Variants in KDM4C observed in about 807,000 individuals in gnomAD.
KDM4C encodes the protein lysine-specific demethylase 4C.
A neutral mutation model predicts 129.3 loss-of-function variants in KDM4C; 81 were observed. The ratio of observed to expected loss-of-function variants is 0.63; its 90% CI spans 0.52 to 0.75. KDM4C has a LOEUF of 0.75. KDM4C is among the 30% of genes least tolerant of loss of function. KDM4C has a pLI of 0.00. For missense variants in KDM4C, 1,457 were observed against 1,304.0 expected (o/e 1.12, Z -1.81); for synonymous variants, 573 against 456.1 (o/e 1.26, Z -3.26).
rs1822353205 is a variant in KDM4C at position 6,925,635 on chromosome 9, C to T, written c.921+32403C>T. On this transcript the variant is annotated intron_variant, in intron 8 of 21. Coordinates refer to ENST00000381309, the MANE Select transcript of KDM4C (RefSeq NM_015061.6). Reference sequence around the variant, plus strand: ...ACCGTCTTGGCTTGTTTACCATCAGCCCTTCACCGTTTCAGAAAGATGCTG... The same window carrying T: ...ACCGTCTTGGCTTGTTTACCATCAGTCCTTCACCGTTTCAGAAAGATGCTG... The T allele has an allele frequency of 5.1e-6, 5 of 985,216 alleles. No individual in the cohort carries two copies. The South Asian group carries it at 1.9e-4, about 37-fold the overall frequency. 61.0% of individuals were successfully genotyped at this position (985,216 alleles called of 1,614,324 possible). A position where few individuals can be genotyped will look rare whatever the true frequency, so the allele number is the denominator to read the frequency against.
At chr9:7,058,951 T>C (rs1350584168) in intron 17 of KDM4C, among the ~76,000 whole-genome samples, 3 of 152,230 alleles carry the variant, frequency 2.0e-5, no homozygotes, top group African/African-American at 7.2e-5. Flanking sequence ...ACAAGATTTG[T>C]TGCCTGTGAA....
At chr9:7,070,527 G>A (rs1345943117) in intron 17 of KDM4C, among the ~76,000 whole-genome samples, 1 of 151,764 alleles carries the variant, frequency 6.6e-6, no homozygotes, top group East Asian at 1.9e-4. Context: ...AACTTAATTG[G>A]GTTTATCCTG....
At chr9:7,152,055 A>AT in intron 19 of KDM4C, among the ~76,000 whole-genome samples, 1 of 152,382 alleles carries the variant, frequency 6.6e-6, no homozygotes, top group Non-Finnish European at 1.5e-5. Flanking sequence ...CAGCTGAATC[A>AT]GAAATTTCTC....
intron 11 of KDM4C, among the ~76,000 whole-genome samples, chr9:6,989,119 A>G (rs915330924): frequency 6.6e-6 from 1 of 152,082 alleles, no homozygotes; most frequent in African/African-American, 2.4e-5. Flanking sequence ...ATAATTTCCC[A>G]TATTGTTTTT....
chr9:6,930,405 A>G (rs1823454829), intron 8 of KDM4C, among the ~76,000 whole-genome samples: 1 of 151,956 alleles, frequency 6.6e-6, no homozygotes, highest in Non-Finnish European at 1.5e-5. Flanking sequence ...TATGTGGAAA[A>G]TAAAGCACGC....
intron 1 of KDM4C, among the ~76,000 whole-genome samples, chr9:6,763,767 C>T (rs1327034717): frequency 6.6e-6 from 1 of 152,006 alleles, no homozygotes; most frequent in Non-Finnish European, 1.5e-5. Context: ...TGCACTTTTT[C>T]TTTTTTTGAG....
intron 1 of KDM4C, among the ~76,000 whole-genome samples, chr9:6,763,411 C>T (rs776994036): frequency 6.6e-6 from 1 of 152,170 alleles, no homozygotes; most frequent in Non-Finnish European, 1.5e-5. Context: ...TTCTCTCAAT[C>T]CTGCACACTG....
rs143579257 is a variant in KDM4C at position 7,145,197 on chromosome 9, C to T, written c.2781+16961C>T. On this transcript the variant is annotated intron_variant, in intron 19 of 21. Coordinates refer to ENST00000381309, the MANE Select transcript of KDM4C (RefSeq NM_015061.6). ...TTAAAGGTGCGTGGCCAGAGGGTGG[C>T]GGGGGAGAAAGCTAACTACGTGTCT... Among the ~76,000 whole-genome samples the T allele has an allele frequency of 5.9e-5, 9 of 152,214 alleles. No homozygotes were observed. In the South Asian group the frequency reaches 8.3e-4, roughly 14 times the overall value.
At chr9:7,065,650 G>A (rs1012136617) in intron 17 of KDM4C, among the ~76,000 whole-genome samples, 2 of 152,112 alleles carry the variant, frequency 1.3e-5, no homozygotes, top group African/African-American at 4.8e-5. Flanking sequence ...TGAATTGACC[G>A]TGTCAAAATT....
intron 1 of KDM4C, among the ~76,000 whole-genome samples, chr9:6,773,558 G>C (rs1822346419): frequency 6.6e-6 from 1 of 152,098 alleles, no homozygotes; most frequent in Non-Finnish European, 1.5e-5. Context: ...GATCACTTAG[G>C]CCAGGAGTTC....
chr9:6,756,688 A>G (rs57568295), upstream of KDM4C, among the ~76,000 whole-genome samples: 35 of 152,308 alleles, frequency 2.3e-4, no homozygotes, highest in East Asian at 6.0e-3. Flanking sequence ...TTGCACTCCA[A>G]ACTGGGCGAC....
intron 4 of KDM4C, among the ~76,000 whole-genome samples, chr9:6,841,179 C>T (rs1294574800): frequency 6.6e-6 from 1 of 151,882 alleles, no homozygotes; most frequent in Non-Finnish European, 1.5e-5. Context: ...GTGGTAGTTC[C>T]CCCTGTGAAT....
intron 9 of KDM4C, among the ~76,000 whole-genome samples, chr9:6,983,913 C>T (rs1817222385): frequency 6.6e-6 from 1 of 151,362 alleles, no homozygotes; most frequent in Non-Finnish European, 1.5e-5. Context: ...TAGGAATGGC[C>T]CTTTTTCAAA....
chr9:6,748,642 C>T (rs1056235581), intron 1 of KDM4C: 17 of 892,364 alleles, frequency 1.9e-5, no homozygotes, highest in Middle Eastern at 3.3e-4. Flanking sequence ...TCATATTGGA[C>T]AAAGGACGTC....
chr9:7,108,556 C>G (rs537879723), intron 18 of KDM4C, among the ~76,000 whole-genome samples: 1 of 152,160 alleles, frequency 6.6e-6, no homozygotes, highest in Non-Finnish European at 1.5e-5. Context: ...TTTCCAGCCT[C>G]TGGGTCTTTA....
chr9:6,995,338 G>GAC (rs1245827024), intron 12 of KDM4C, among the ~76,000 whole-genome samples: 1 of 151,770 alleles, frequency 6.6e-6, no homozygotes, highest in East Asian at 1.9e-4. Flanking sequence ...GACACACACA[G>GAC]ACACACAGGC....
At chr9:6,727,998 T>TTTA (rs1236094178) in intron 1 of KDM4C, among the ~76,000 whole-genome samples, 72 of 146,628 alleles carry the variant, frequency 4.9e-4, no homozygotes, top group African/African-American at 1.7e-3. Context: ...AATAAGACCG[T>TTTA]TTAAGTGTGT....
chr9:7,160,039 T>C (rs1340348579), intron 19 of KDM4C, among the ~76,000 whole-genome samples: 1 of 152,196 alleles, frequency 6.6e-6, no homozygotes, highest in Non-Finnish European at 1.5e-5. Flanking sequence ...CTTTTCACTC[T>C]TTTTTCTCTG....
chr9:6,752,775 T>C (rs7875464), upstream of KDM4C, among the ~76,000 whole-genome samples: 60,918 of 151,994 alleles, frequency 0.4, 12,984 homozygotes, highest in African/African-American at 0.55. Flanking sequence ...ATATGAATTT[T>C]ATTTATATAT....
Sources: gnomAD v4.1 joint callset for allele counts (sites outside exome capture counted in the v4.1 genomes callset) on GRCh38, gnomAD v4.1.1 for gene constraint, MANE v1.5 for transcripts, NCBI Gene and HGNC (gene_info 2026-07-23, HGNC 2026-07-21) for gene names.